The following TEX9 variants were observed in gnomAD, a reference collection of about 807,000 sequenced individuals.
The protein encoded by TEX9 is testis expressed 9.
Under a neutral mutation model 59.6 loss-of-function variants are expected in TEX9, and 74 were observed. That is an observed-to-expected ratio of 1.24 (90% CI 1.03 to 1.51). The LOEUF (loss-of-function observed/expected upper bound fraction) is 1.51. TEX9 is among the 40% of genes most tolerant of loss of function. The pLI is 0.00. For missense variants in TEX9, 522 were observed against 447.8 expected (o/e 1.17, Z -1.49); for synonymous variants, 186 against 152.2 (o/e 1.22, Z -1.64).
intron 1 of TEX9, among the ~76,000 whole-genome samples, chr15:56,335,273 G>A (rs2046237105): frequency 6.6e-6 from 1 of 152,078 alleles, no homozygotes; most frequent in Non-Finnish European, 1.5e-5. Context: ...CAGATGAATG[G>A]ATGAAGAAAA....
intron 10 of TEX9, among the ~76,000 whole-genome samples, chr15:56,414,719 TTATGG>T (rs2049584137): frequency 6.6e-6 from 1 of 151,852 alleles, no homozygotes; most frequent in South Asian, 2.1e-4. Context: ...GCATGTGTCT[TTATGG>T]TAGAATGATT....
intron 1 of TEX9, among the ~76,000 whole-genome samples, chr15:56,306,257 C>CAAAAAAAAAA (rs55882329): frequency 2.9e-4 from 23 of 79,432 alleles, no homozygotes; most frequent in East Asian, 3.9e-4. Flanking sequence ...AGGTACATAG[C>CAAAAAAAAAA]AAAAAAAAAA....
intron 12 of TEX9, chr15:56,429,198 G>A (rs750664253): frequency 7.7e-6 from 12 of 1,567,370 alleles, no homozygotes; most frequent in East Asian, 4.6e-5. Context: ...TACTCCCTAC[G>A]AGAAAAATAC....
chr15:56,379,023 C>T lies in TEX9; in HGVS notation c.184-4929C>T, dbSNP rs548466622. The stretch of plus-strand genomic sequence containing the variant: ...AGGCTGTAGTGAGCCATGATCATGC[C>T]ACTGCACTACAGCCTGGGCAACAGA... On this transcript the variant is annotated intron_variant, in intron 3 of 12. Transcript: ENST00000352903. Among the ~76,000 whole-genome samples the T allele has an allele frequency of 4.2e-5, 6 of 142,920 alleles. No individual in the cohort carries two copies. In the East Asian group the frequency reaches 6.3e-4, roughly 15 times the overall value. The allele number at this position is 142,920 out of a possible 152,430, so 93.8% of individuals were successfully genotyped here. A position where few individuals can be genotyped will look rare whatever the true frequency, so the allele number is the denominator to read the frequency against.
intron 1 of TEX9, among the ~76,000 whole-genome samples, chr15:56,345,930 A>G (rs943408313): frequency 6.6e-6 from 1 of 152,212 alleles, no homozygotes; most frequent in Admixed American, 6.5e-5. Context: ...TCTGATTCAT[A>G]ATATGAAAGC....
intron 1 of TEX9, among the ~76,000 whole-genome samples, chr15:56,269,161 G>A (rs573203348): frequency 2.4e-4 from 36 of 152,234 alleles, no homozygotes; most frequent in South Asian, 8.3e-4. Flanking sequence ...TGTCGGATCC[G>A]TGGTGATATC....
intron 1 of TEX9, among the ~76,000 whole-genome samples, chr15:56,283,782 A>T (rs927641366): frequency 1.3e-5 from 2 of 152,192 alleles, no homozygotes; most frequent in African/African-American, 2.4e-5. Flanking sequence ...GTTAAAATTA[A>T]GAGACAAACA....
At chr15:56,458,770 T>C in the TEX9 span, among the ~76,000 whole-genome samples, 1 of 152,102 alleles carries the variant, frequency 6.6e-6, no homozygotes, top group African/African-American at 2.4e-5. Flanking sequence ...TCCACATCTT[T>C]TCATGGCTTC....
At chr15:56,377,886 C>T (rs1245670452) in intron 3 of TEX9, among the ~76,000 whole-genome samples, 1 of 152,064 alleles carries the variant, frequency 6.6e-6, no homozygotes, top group Non-Finnish European at 1.5e-5. Flanking sequence ...ATATTGAGGT[C>T]TGTTCCTTTT....
intron 9 of TEX9, chr15:56,409,951 A>T (rs899377328): frequency 1.4e-4 from 21 of 152,058 alleles, no homozygotes; most frequent in African/African-American, 5.1e-4. Context: ...ACATATGTCT[A>T]TGTGTATATA....
downstream of TEX9, chr15:56,447,189 A>G (rs2050912032): frequency 3.2e-6 from 1 of 315,604 alleles, no homozygotes; most frequent in Non-Finnish European, 5.9e-6. Flanking sequence ...TCCTGTGTCA[A>G]TACCACACTA....
chr15:56,363,302 T>C (rs1266394639), upstream of TEX9, among the ~76,000 whole-genome samples: 1 of 151,606 alleles, frequency 6.6e-6, no homozygotes, highest in East Asian at 1.9e-4. Flanking sequence ...TCTCCCTCTG[T>C]CACCCAGGCT....
Position 56,365,864 on chromosome 15 carries a change from A to G in TEX9, c.119+194A>G. 3.6e-6 allele frequency: 5 copies of G among 1,405,772 alleles called. No individual in the cohort carries two copies. In the South Asian group the frequency reaches 7.9e-5, roughly 22 times the overall value. The allele number at this position is 1,405,772 out of a possible 1,614,324, so 87.1% of individuals were successfully genotyped here. The stretch of plus-strand genomic sequence containing the variant: ...GAGTAGTTCGCCTGCGTATTAGAAG[A>G]TATTTGAAGTGGGCGAAAATTTAGC... On this transcript the variant is annotated intron_variant, in intron 2 of 12. Transcript: ENST00000352903.
At chr15:56,365,960 G>T in intron 2 of TEX9, 1 of 1,157,794 alleles carries the variant, frequency 8.6e-7, no homozygotes, top group Non-Finnish European at 1.1e-6. Flanking sequence ...AAGTTATTTG[G>T]GTAGCAGGAA....
Position 56,331,806 on chromosome 15 carries a change from G to A in TEX9, c.-106-41635G>A, listed in dbSNP as rs570543118. On this transcript the variant is annotated intron_variant, in intron 1 of 5. Coordinates refer to the TEX9 transcript ENST00000560827. ...CAAACAACCCCATCAAAAAGTGGGC[G>A]AAGGACATGAACAGACACTTCTCAA... Among the ~76,000 whole-genome samples, 603 of 150,860 alleles carry A rather than the reference G, an allele frequency of 4.0e-3. 4 individuals are homozygous for A. Among genetic ancestry groups the A allele is most frequent in the African/African-American group, 0.013 (546 of 41,104 alleles).
At chr15:56,443,511 C>A (rs764321039) in intron 12 of TEX9, 1 of 1,598,996 alleles carries the variant, frequency 6.3e-7, no homozygotes, top group Non-Finnish European at 8.5e-7. Flanking sequence ...CACGTTGCCG[C>A]AGCATTTCTT....
intron 1 of TEX9, among the ~76,000 whole-genome samples, chr15:56,342,433 C>A (rs1239493512): frequency 6.6e-6 from 1 of 152,000 alleles, no homozygotes; most frequent in East Asian, 1.9e-4. Flanking sequence ...CTTTCTATTG[C>A]CGCTTGCAAC....
chr15:56,267,214 A>G (rs1262034583), intron 1 of TEX9, among the ~76,000 whole-genome samples: 1 of 152,118 alleles, frequency 6.6e-6, no homozygotes, highest in Non-Finnish European at 1.5e-5. Flanking sequence ...TTCTTTGTGG[A>G]TTCTGGATAT....
intron 1 of TEX9, among the ~76,000 whole-genome samples, chr15:56,337,326 T>C (rs1448776738): frequency 6.6e-6 from 1 of 152,194 alleles, no homozygotes; most frequent in African/African-American, 2.4e-5. Context: ...AGTTACCACA[T>C]CTGTCATAGG....
Sources: allele counts gnomAD v4.1 joint callset (sites outside exome capture counted in the v4.1 genomes callset), GRCh38; gene constraint gnomAD v4.1.1; transcripts MANE v1.5; gene names NCBI Gene and HGNC (gene_info 2026-07-23, HGNC 2026-07-21).